Variants in DNM2 observed in about 807,000 individuals in gnomAD.
DNM2 encodes dynamin-2.
Under a neutral mutation model 99.0 loss-of-function variants are expected in DNM2, and 15 were observed. The observed-to-expected ratio is 0.15, with a 90% CI of 0.10 to 0.23. The LOEUF (loss-of-function observed/expected upper bound fraction) is 0.23. Ranked by LOEUF, DNM2 falls within the 10% of genes least tolerant of loss-of-function variation. DNM2 has a pLI of 1.00. For missense variants in DNM2, 742 were observed against 1,189.4 expected, an observed-to-expected ratio of 0.62 and a Z score of 5.53; for synonymous variants, 525 against 481.2, an observed-to-expected ratio of 1.09 and a Z score of -1.19.
chr19:10,804,386 G>A (rs912291780), intron 12 of DNM2, among the ~76,000 whole-genome samples: 3 of 152,108 alleles, frequency 2.0e-5, no homozygotes, highest in Non-Finnish European at 4.4e-5. Context: ...CCCTCCAAAT[G>A]TATATTATAA....
At chr19:10,722,365 G>A (rs1300423449) in intron 1 of DNM2, among the ~76,000 whole-genome samples, 1 of 152,060 alleles carries the variant, frequency 6.6e-6, no homozygotes, top group Non-Finnish European at 1.5e-5. Flanking sequence ...ATAGAACTTT[G>A]GCCCTAAGGA....
chr19:10,784,675 G>A (rs1191980125), intron 6 of DNM2, among the ~76,000 whole-genome samples: 4 of 152,158 alleles, frequency 2.6e-5, no homozygotes, highest in Non-Finnish European at 4.4e-5. Flanking sequence ...GACGGGGGTC[G>A]ATGGCCAGGG....
In DNM2 at chr19:10,783,067, C is replaced by T. The variant is rs552366130; in HGVS notation, c.796C>T (p.Arg266Trp). ...GTTCTTCCTCTCCCACCCGGCCTAC[C>T]GGCACATGGCCGACCGCATGGGCAC... ...RKFFLSHPAY[R>W]HMADRMGTPH... The change falls in exon 6 of 21, where the codon CGG becomes TGG. Residue 266 changes from arginine to tryptophan, a missense_variant. Coordinates refer to ENST00000389253, the MANE Select transcript of DNM2 (RefSeq NM_001005361.3). The T allele has an allele frequency of 6.2e-6, 10 of 1,613,840 alleles. No homozygotes were observed. Among genetic ancestry groups the T allele is most frequent in the East Asian group, 2.2e-5 (1 of 44,884 alleles).
At chr19:10,751,930 C>T (rs1698116265) in intron 1 of DNM2, among the ~76,000 whole-genome samples, 1 of 152,270 alleles carries the variant, frequency 6.6e-6, no homozygotes, top group South Asian at 2.1e-4. Context: ...CATGAGAGCA[C>T]ACCTGAACAA....
rs757565933 is a variant in DNM2, at chr19:10,829,254, C to T, written c.2277C>T (p.Ser759=). ...PPPVDDTWLQ[S]ASSHSPTPQR... is the part of the protein sequence containing the mutation. The stretch of plus-strand genomic sequence containing the variant: ...CTGTCGATGACACCTGGCTCCAGAG[C>T]GCCAGCAGCCACAGGTCCGGAAGCC... Residue 759 remains serine, a synonymous_variant, in exon 19 of 21, where the codon AGC becomes AGT. Transcript: ENST00000389253. The T allele has an allele frequency of 4.3e-6, 7 of 1,613,268 alleles. No homozygotes were observed. The highest frequency in any genetic ancestry group is 5.9e-6 in the Non-Finnish European group (7 of 1,179,964).
At chr19:10,787,903 T>C (rs1324995294) in intron 7 of DNM2, among the ~76,000 whole-genome samples, 1 of 150,328 alleles carries the variant, frequency 6.7e-6, no homozygotes, top group Non-Finnish European at 1.5e-5. Flanking sequence ...CACTCCAGCC[T>C]GGGTGATAGG....
At chr19:10,731,010 C>T (rs2069293939) in intron 1 of DNM2, among the ~76,000 whole-genome samples, 1 of 152,202 alleles carries the variant, frequency 6.6e-6, no homozygotes, top group Non-Finnish European at 1.5e-5. Flanking sequence ...GAGCAGGCTA[C>T]TTGGAGCCTG....
At chr19:10,739,566 C>A (rs2069662360) in intron 1 of DNM2, among the ~76,000 whole-genome samples, 1 of 150,086 alleles carries the variant, frequency 6.7e-6, no homozygotes. Context: ...CAAGATTCAT[C>A]CATGCTGGTT....
chr19:10,825,069 G>T lies in DNM2; in HGVS notation c.1906G>T (p.Asp636Tyr). The change falls in exon 18 of 21, where the codon GAT (aspartate) becomes TAT (tyrosine). Residue 636 changes from aspartate to tyrosine, a missense_variant. Transcript: ENST00000389253. ...YPEKDQAENE[D>Y]GAQENTFSMD... The stretch of plus-strand genomic sequence containing the variant: ...CTCCCGCTTGCAGGCAGAAAACGAG[G>T]ATGGGGCCCAGGAGAACACCTTCTC... The T allele has an allele frequency of 1.2e-6, 2 of 1,614,116 alleles. No homozygotes were observed. The highest frequency in any genetic ancestry group is 1.7e-6 in the Non-Finnish European group (2 of 1,180,008).
intron 2 of DNM2, among the ~76,000 whole-genome samples, chr19:10,770,796 G>A (rs1341432778): frequency 1.3e-5 from 2 of 152,112 alleles, no homozygotes; most frequent in African/African-American, 2.4e-5. Flanking sequence ...AATAGCACGG[G>A]AAAGACCCAC....
rs780683090 is a variant in DNM2, at chr19:10,820,096, G to A, written c.1781+7G>A. 6 of 1,613,906 alleles carry A rather than the reference G, an allele frequency of 3.7e-6. No homozygotes were observed. Among genetic ancestry groups the A allele is most frequent in the Admixed American group, 1.7e-5 (1 of 60,004 alleles). ...TCTTCAACACGGAGCAGAGGTGAGG[G>A]GCCCAGGGGCCTGGGGATGGCTCGG... On this transcript the variant is annotated splice_region_variant and intron_variant, in intron 16 of 20. Transcript: ENST00000389253. This position sits in a 1 kb window ranked among gnomAD's most constrained non-coding sequence, Gnocchi z 4.3.
chr19:10,825,216 A>G lies in DNM2; in HGVS notation c.2053A>G (p.Asn685Asp), dbSNP rs2073102119. 1 of 1,613,922 alleles carries G rather than the reference A, an allele frequency of 6.2e-7. No individual in the cohort carries two copies. The part of the protein sequence containing the change: ...MPKTIMHLMI[N>D]NTKAFIHHEL... ...AAAGACCATCATGCACCTCATGATC[A>G]ACAATGTGAGTGGAGAACTAAAAAT... Residue 685 changes from asparagine (N) to aspartate (D), a missense_variant, in exon 18 of 21, where the codon AAC becomes GAC. Transcript: ENST00000389253.
intron 1 of DNM2, among the ~76,000 whole-genome samples, chr19:10,756,562 G>A (rs2070391831): frequency 6.6e-6 from 1 of 152,186 alleles, no homozygotes; most frequent in Non-Finnish European, 1.5e-5. Context: ...CAGGCCTAGT[G>A]CCTGGCAGGC....
chr19:10,806,083 T>C, intron 13 of DNM2, 116 bp downstream of exon 13: 2 of 1,289,730 alleles, frequency 1.6e-6, no homozygotes, highest in Non-Finnish European at 2.2e-6. Flanking sequence ...ACAGCCTCAG[T>C]ACCAGGCCAT....
chr19:10,804,637 A>G (rs905417636), intron 12 of DNM2, among the ~76,000 whole-genome samples: 13 of 152,178 alleles, frequency 8.5e-5, no homozygotes, highest in Non-Finnish European at 1.6e-4. Context: ...GTGCTGAGCC[A>G]TGATCACACC....
At chr19:10,731,355 T>C (rs1047303893) in intron 1 of DNM2, among the ~76,000 whole-genome samples, 2 of 104,852 alleles carry the variant, frequency 1.9e-5, no homozygotes, top group African/African-American at 7.9e-5. Flanking sequence ...CTTTTCCTTC[T>C]TTTTTTTTTT....
Position 10,786,469 on chromosome 19 carries a change from C to T in DNM2, c.850-95C>T, listed in dbSNP as rs2071562463. The T allele has an allele frequency of 1.9e-6, 3 of 1,593,324 alleles. No homozygotes were observed. In the East Asian group the frequency reaches 6.7e-5, roughly 36 times the overall value. On this transcript the variant is annotated intron_variant, in intron 6 of 20. Coordinates refer to ENST00000389253, the MANE Select transcript of DNM2 (RefSeq NM_001005361.3). ...GTGGTGTGGTGGCCGCATAGTGGCACCCTGGTGTTGGCCCTTGGTTGGGGG... is the reference window on the plus strand; with the variant it reads ...GTGGTGTGGTGGCCGCATAGTGGCATCCTGGTGTTGGCCCTTGGTTGGGGG...
chr19:10,737,510 T>C (rs2069573131), intron 1 of DNM2, among the ~76,000 whole-genome samples: 1 of 152,086 alleles, frequency 6.6e-6, no homozygotes, highest in Admixed American at 6.6e-5. Flanking sequence ...TTTTTTGGGG[T>C]GGAGTCTTGC....
At chr19:10,776,848 C>G (rs559358663) in intron 4 of DNM2, among the ~76,000 whole-genome samples, 1 of 152,334 alleles carries the variant, frequency 6.6e-6, no homozygotes, top group South Asian at 2.1e-4. Flanking sequence ...AGAGGTTGTC[C>G]TTAATAACAC....
Sources: allele counts gnomAD v4.1 joint callset (sites outside exome capture counted in the v4.1 genomes callset), GRCh38; gene constraint gnomAD v4.1.1; non-coding constraint Gnocchi (gnomAD v3.1); transcripts MANE v1.5; gene names NCBI Gene and HGNC (gene_info 2026-07-23, HGNC 2026-07-21).